CNKSR2: variants seen among roughly 807,000 people sequenced by gnomAD.
CNKSR2 encodes the protein connector enhancer of kinase suppressor of Ras 2.
Under a neutral mutation model 84.4 loss-of-function variants are expected in CNKSR2, and 14 were observed. The ratio of observed to expected loss-of-function variants is 0.17; its 90% CI spans 0.11 to 0.26. The LOEUF is 0.26. Among genes scored for constraint, CNKSR2 ranks in the 10% least tolerant of loss-of-function variants. The pLI is 1.00. For synonymous variants in CNKSR2, 275 were observed against 277.9 expected (o/e 0.99, Z 0.10); for missense variants, 485 against 771.2 (o/e 0.63, Z 4.40).
chrX:21,635,392 G>A (rs2092666239), intron 20 of CNKSR2, among the ~76,000 whole-genome samples: 2 of 104,724 alleles, frequency 1.9e-5, no homozygotes, highest in Non-Finnish European at 3.9e-5. Flanking sequence ...GTGTGTGTGT[G>A]TGTGTGTGTG....
intron 1 of CNKSR2, among the ~76,000 whole-genome samples, chrX:21,411,797 G>C (rs1456979362): frequency 9.0e-6 from 1 of 110,758 alleles, no homozygotes; most frequent in Non-Finnish European, 1.9e-5. Flanking sequence ...TACTTGTTAG[G>C]GTTGTTTGTG....
intron 1 of CNKSR2, among the ~76,000 whole-genome samples, chrX:21,415,641 T>A (rs1440560278): frequency 2.7e-5 from 1 of 37,668 alleles, no homozygotes; most frequent in Admixed American, 4.9e-4. Flanking sequence ...TGTTGTGGGG[T>A]GGGGGGAGGG....
intron 1 of CNKSR2, among the ~76,000 whole-genome samples, chrX:21,399,113 C>A (rs929865521): frequency 1.8e-5 from 2 of 110,595 alleles, no homozygotes; most frequent in Admixed American, 9.7e-5. Flanking sequence ...ATTATACAGA[C>A]CAGTAATACA....
intron 11 of CNKSR2, among the ~76,000 whole-genome samples, chrX:21,533,448 C>T (rs2091902214): frequency 9.0e-6 from 1 of 110,757 alleles, no homozygotes; most frequent in Non-Finnish European, 1.9e-5. Context: ...CTATTTTCTA[C>T]TTGTGTTGAA....
intron 11 of CNKSR2, among the ~76,000 whole-genome samples, chrX:21,534,739 C>T (rs73203341): frequency 0.037 from 4,132 of 110,965 alleles, 85 homozygotes; most frequent in Non-Finnish European, 0.06. Context: ...TCTGCTTTCA[C>T]GCAATGTCTA....
intron 20 of CNKSR2, among the ~76,000 whole-genome samples, chrX:21,627,471 C>T (rs2092629187): frequency 1.8e-5 from 2 of 111,515 alleles, no homozygotes; most frequent in African/African-American, 6.5e-5. Context: ...TGCACTCCAG[C>T]CTGGGCGACT....
chrX:21,545,352 C>G (rs2092015108), intron 11 of CNKSR2, among the ~76,000 whole-genome samples: 1 of 112,266 alleles, frequency 8.9e-6, no homozygotes, highest in Non-Finnish European at 1.9e-5. Context: ...CTAGATTCTT[C>G]TAGTTTCTTC....
intron 15 of CNKSR2, chrX:21,593,759 T>C (rs1355910483): frequency 1.8e-5 from 2 of 111,711 alleles, no homozygotes; most frequent in Non-Finnish European, 3.8e-5. Context: ...CCAAGCCAGA[T>C]ATTTGAAAGT....
At chrX:21,399,985 G>A (rs1300259289) in intron 1 of CNKSR2, among the ~76,000 whole-genome samples, 2 of 110,598 alleles carry the variant, frequency 1.8e-5, no homozygotes, top group Admixed American at 1.9e-4. Context: ...TAAGTCACTG[G>A]CACTTAGTAC....
In CNKSR2 at chrX:21,523,506, C is replaced by G. The variant is rs183899840; in HGVS notation, c.958-3361C>G. Among the ~76,000 whole-genome samples the G allele has an allele frequency of 2.4e-3, 271 of 110,815 alleles. 3 individuals are homozygous for G. Among genetic ancestry groups the G allele is most frequent in the African/African-American group, 8.1e-3 (248 of 30,723 alleles). Reference sequence around the variant, plus strand: ...CTTAAATTGAAATTTCTTTGTAGTGCAACAGTAACTACTTTTCTTACACTG... The same window carrying G: ...CTTAAATTGAAATTTCTTTGTAGTGGAACAGTAACTACTTTTCTTACACTG... On this transcript the variant is annotated intron_variant, in intron 9 of 21. Transcript: ENST00000379510.
At chrX:21,466,822 C>G (rs775152909) in intron 4 of CNKSR2, among the ~76,000 whole-genome samples, 16 of 111,218 alleles carry the variant, frequency 1.4e-4, no homozygotes, top group Non-Finnish European at 3.0e-4. Flanking sequence ...TGTCCTCAAG[C>G]GATCCGCCCA....
chrX:21,561,671 A>C, intron 12 of CNKSR2, 111 bp downstream of exon 12: 2 of 543,242 alleles, frequency 3.7e-6, no homozygotes, highest in South Asian at 6.6e-5. Context: ...TCTATCATTG[A>C]CTTTATTGTA....
rs765664466 is a variant in CNKSR2 at position 21,412,090 on chromosome X, T to A, written c.65-14407T>A. Among the ~76,000 whole-genome samples the A allele has an allele frequency of 1.2e-4, 14 of 112,139 alleles. No individual in the cohort carries two copies. The South Asian group carries it at 1.5e-3, about 12-fold the overall frequency. On this transcript the variant is annotated intron_variant, in intron 1 of 21. Coordinates refer to ENST00000379510, the MANE Select transcript of CNKSR2 (RefSeq NM_014927.5). ...TAGAAGAATAAAGAACAGGCAGTTATTGACTTTGGAACCTAGTTTAAATCT... is the reference window on the plus strand; with the variant it reads ...TAGAAGAATAAAGAACAGGCAGTTAATGACTTTGGAACCTAGTTTAAATCT...
At chrX:21,457,806 CATG>C in intron 4 of CNKSR2, among the ~76,000 whole-genome samples, 1 of 111,571 alleles carries the variant, frequency 9.0e-6, no homozygotes, top group East Asian at 2.8e-4. Context: ...GTGTGTGGAT[CATG>C]ATAATAACAG....
At chrX:21,598,036 C>T (rs1227898173) in intron 17 of CNKSR2, among the ~76,000 whole-genome samples, 2 of 108,604 alleles carry the variant, frequency 1.8e-5, no homozygotes, top group Non-Finnish European at 3.8e-5. Context: ...TACACACACA[C>T]ACACACAACA....
intron 18 of CNKSR2, among the ~76,000 whole-genome samples, chrX:21,601,756 A>T (rs1006552824): frequency 9.8e-5 from 11 of 112,096 alleles, no homozygotes; most frequent in Admixed American, 3.8e-4. Flanking sequence ...AAATTTTCTC[A>T]TTTGGTAATG....
chrX:21,379,209 T>A (rs1452725661), intron 1 of CNKSR2, among the ~76,000 whole-genome samples: 1 of 112,986 alleles, frequency 8.9e-6, no homozygotes, highest in Non-Finnish European at 1.9e-5. Flanking sequence ...TACTCTTTAG[T>A]AATTCTTTTT....
chrX:21,445,406 G>A (rs1453680530), intron 4 of CNKSR2, among the ~76,000 whole-genome samples: 1 of 111,069 alleles, frequency 9.0e-6, no homozygotes, highest in African/African-American at 3.3e-5. Context: ...AGGGTAGTTA[G>A]CATATCCGTC....
intron 17 of CNKSR2, among the ~76,000 whole-genome samples, chrX:21,598,285 A>G (rs1370516290): frequency 9.0e-6 from 1 of 111,328 alleles, no homozygotes; most frequent in Admixed American, 9.6e-5. Flanking sequence ...TATTCTGAAG[A>G]CTTATTTACT....
Sources: gnomAD v4.1 joint callset for allele counts (sites outside exome capture counted in the v4.1 genomes callset) on GRCh38, gnomAD v4.1.1 for gene constraint, MANE v1.5 for transcripts, NCBI Gene and HGNC (gene_info 2026-07-23, HGNC 2026-07-21) for gene names.